TAF1B: variants seen among roughly 807,000 people sequenced by gnomAD.
TAF1B encodes TATA-box binding protein associated factor, RNA polymerase I subunit B.
Under a neutral mutation model 83.9 loss-of-function variants are expected in TAF1B, and 61 were observed. The observed-to-expected ratio is 0.73, with a 90% CI of 0.59 to 0.90. TAF1B has a LOEUF of 0.90. TAF1B is among the 40% of genes least tolerant of loss of function. The pLI, the probability that TAF1B is intolerant of heterozygous loss-of-function variation, is 0.00. For missense variants in TAF1B, 625 were observed against 677.0 expected, an observed-to-expected ratio of 0.92 and a Z score of 0.85; for synonymous variants, 221 against 224.6, an observed-to-expected ratio of 0.98 and a Z score of 0.14.
chr2:9,864,849 T>C (rs1314047377), intron 5 of TAF1B, among the ~76,000 whole-genome samples: 1 of 152,150 alleles, frequency 6.6e-6, no homozygotes, highest in Admixed American at 6.5e-5. Flanking sequence ...CACATGATTA[T>C]CTCAATAGAT....
rs778786826 is a variant in TAF1B, at chr2:9,843,512, C to G, written c.-30C>G. On this transcript the variant is annotated 5_prime_UTR_variant, in exon 1 of 15. Coordinates refer to ENST00000263663, the MANE Select transcript of TAF1B (RefSeq NM_005680.3). ...TGCGCTCGCTACCCGGGTAACGGGT[C>G]CCGGCTGTGGAAGCTCCCGCGGCGC... 1.3e-6 allele frequency: 2 copies of G among 1,524,958 alleles called. No individual in the cohort carries two copies. The highest frequency in any genetic ancestry group is 8.8e-7 in the Non-Finnish European group (1 of 1,132,958). 94.5% of individuals were successfully genotyped at this position (1,524,958 alleles called of 1,614,324 possible). A position where few individuals can be genotyped will look rare whatever the true frequency, so the allele number is the denominator to read the frequency against.
chr2:9,869,469 T>C (rs62127131), intron 6 of TAF1B, among the ~76,000 whole-genome samples: 36,265 of 151,028 alleles, frequency 0.24, 4,837 homozygotes, highest in East Asian at 0.3. Context: ...GTGATCTGCC[T>C]GCTTCAGCCT....
At chr2:9,921,445 A>G (rs993691832) in intron 14 of TAF1B, among the ~76,000 whole-genome samples, 4 of 152,210 alleles carry the variant, frequency 2.6e-5, no homozygotes, top group African/African-American at 9.7e-5. Flanking sequence ...AGTGAAGAAC[A>G]TATTACTCCC....
At chr2:9,925,918 T>A (rs896345810) in intron 14 of TAF1B, among the ~76,000 whole-genome samples, 3 of 152,166 alleles carry the variant, frequency 2.0e-5, no homozygotes, top group African/African-American at 7.2e-5. Context: ...TTCAGGAATT[T>A]AGGGCCGTAT....
At chr2:9,866,081 C>T (rs1173729590) in intron 5 of TAF1B, among the ~76,000 whole-genome samples, 28 of 150,982 alleles carry the variant, frequency 1.9e-4, no homozygotes, top group African/African-American at 6.3e-4. Context: ...CCAAAATTGA[C>T]AAATGGGATC....
chr2:9,926,233 C>T (rs993315144), intron 14 of TAF1B, among the ~76,000 whole-genome samples: 2 of 152,142 alleles, frequency 1.3e-5, no homozygotes, highest in Admixed American at 6.5e-5. Flanking sequence ...TCTTAATATT[C>T]TCCAATATGC....
chr2:9,863,565 A>G (rs898294184), intron 5 of TAF1B, among the ~76,000 whole-genome samples: 7 of 152,358 alleles, frequency 4.6e-5, no homozygotes, highest in African/African-American at 1.4e-4. Context: ...AAGGATATCC[A>G]GGAATTGAAC....
chr2:9,847,506 T>C (rs1663243065), intron 2 of TAF1B, among the ~76,000 whole-genome samples: 1 of 152,174 alleles, frequency 6.6e-6, no homozygotes, highest in South Asian at 2.1e-4. Context: ...ATGGTGCAAC[T>C]TGCCCTATTT....
intron 8 of TAF1B, among the ~76,000 whole-genome samples, chr2:9,895,452 G>A (rs1184513204): frequency 6.6e-6 from 1 of 152,126 alleles, no homozygotes; most frequent in African/African-American, 2.4e-5. Flanking sequence ...AGTGAGCTGT[G>A]ATTGTGCCAC....
At chr2:9,926,130 C>T (rs1666025794) in intron 14 of TAF1B, among the ~76,000 whole-genome samples, 1 of 152,174 alleles carries the variant, frequency 6.6e-6, no homozygotes, top group Admixed American at 6.5e-5. Context: ...CTCTACCCCT[C>T]TGCCCCCCAT....
At chr2:9,846,059 C>T (rs1467954979) in intron 2 of TAF1B, 1 of 471,020 alleles carries the variant, frequency 2.1e-6, no homozygotes, top group Non-Finnish European at 4.4e-6. Flanking sequence ...TTGTATAGTA[C>T]CTTACAGATT....
intron 5 of TAF1B, among the ~76,000 whole-genome samples, chr2:9,859,982 A>G (rs1317679268): frequency 6.6e-6 from 1 of 152,256 alleles, no homozygotes; most frequent in African/African-American, 2.4e-5. Context: ...GCCTCAGGAA[A>G]CTTAAATCAT....
chr2:9,917,075 A>G lies in TAF1B; in HGVS notation c.1272-1966A>G, dbSNP rs75363826. On this transcript the variant is annotated intron_variant, in intron 12 of 14. Coordinates refer to ENST00000263663, the MANE Select transcript of TAF1B (RefSeq NM_005680.3). ...TGGTCAGGCTGGTCTCAAACTCCCA[A>G]CCTCAGGTGATCCTCCCACCTCAGC... Among the ~76,000 whole-genome samples, 1,452 of 151,654 alleles carry G rather than the reference A, an allele frequency of 9.6e-3. 86 individuals are homozygous for G. In the East Asian group the frequency reaches 0.14, roughly 15 times the overall value.
intron 12 of TAF1B, among the ~76,000 whole-genome samples, chr2:9,916,426 C>G (rs1665682360): frequency 6.6e-6 from 1 of 152,166 alleles, no homozygotes; most frequent in Non-Finnish European, 1.5e-5. Context: ...ATCACCTTTC[C>G]CATTCTTGGG....
chr2:9,873,760 C>T (rs982765323), intron 6 of TAF1B, among the ~76,000 whole-genome samples: 1 of 151,480 alleles, frequency 6.6e-6, no homozygotes, highest in African/African-American at 2.4e-5. Context: ...TCAGCAAATC[C>T]TTTGACTCTG....
chr2:9,896,642 A>AAAAAAAAAAAAAT (rs66506343), intron 8 of TAF1B, among the ~76,000 whole-genome samples: 2 of 130,174 alleles, frequency 1.5e-5, no homozygotes, highest in Non-Finnish European at 1.6e-5. Context: ...AAAAAAAAAA[A>AAAAAAAAAAAAAT]GCTTTAAAAA....
intron 2 of TAF1B, among the ~76,000 whole-genome samples, chr2:9,847,017 G>T (rs1663225880): frequency 6.6e-6 from 1 of 152,234 alleles, no homozygotes; most frequent in Non-Finnish European, 1.5e-5. Flanking sequence ...ATTAGTAGAT[G>T]AAGTCAGCAT....
chr2:9,929,655 T>G (rs528610674), intron 14 of TAF1B, among the ~76,000 whole-genome samples: 2 of 152,302 alleles, frequency 1.3e-5, no homozygotes, highest in South Asian at 4.1e-4. Context: ...CTTTTTTTGT[T>G]GTGTCTCTGC....
chr2:9,897,780 T>A (rs1345327508), intron 8 of TAF1B, among the ~76,000 whole-genome samples: 3 of 152,218 alleles, frequency 2.0e-5, no homozygotes, highest in South Asian at 2.1e-4. Flanking sequence ...ACCTTCTTAC[T>A]CTGTAGGCCA....
Sources: gnomAD v4.1 joint callset for allele counts (sites outside exome capture counted in the v4.1 genomes callset) on GRCh38, gnomAD v4.1.1 for gene constraint, MANE v1.5 for transcripts, NCBI Gene and HGNC (gene_info 2026-07-23, HGNC 2026-07-21) for gene names.